The following NALF1 variants were observed in gnomAD, a reference collection of about 807,000 sequenced individuals.
NALF1 encodes the protein NALCN channel auxiliary factor 1.
NALF1 carries 3 observed loss-of-function variants against 48.4 expected under a neutral mutation model. That is an observed-to-expected ratio of 0.06 (90% confidence interval 0.03 to 0.16). NALF1 has a LOEUF of 0.16. Among genes scored for constraint, NALF1 ranks in the 10% least tolerant of loss-of-function variants. The pLI is 1.00. For synonymous variants in NALF1, 262 were observed against 245.7 expected, an observed-to-expected ratio of 1.07 and a Z score of -0.62; for missense variants, 526 against 571.5, an observed-to-expected ratio of 0.92 and a Z score of 0.81.
At chr13:107,276,469 C>T (rs183130946) in intron 1 of NALF1, among the ~76,000 whole-genome samples, 1 of 152,152 alleles carries the variant, frequency 6.6e-6, no homozygotes. Flanking sequence ...ATATACTCAG[C>T]TATTTGTATT....
intron 1 of NALF1, among the ~76,000 whole-genome samples, chr13:107,672,692 T>A (rs1396049566): frequency 1.3e-5 from 2 of 152,180 alleles, no homozygotes; most frequent in African/African-American, 4.8e-5. Flanking sequence ...ACTATAATCA[T>A]CACCAGTATT....
intron 1 of NALF1, among the ~76,000 whole-genome samples, chr13:107,787,323 G>GA (rs1555325913): frequency 6.6e-5 from 10 of 152,146 alleles, no homozygotes; most frequent in African/African-American, 2.4e-4. Context: ...TATGTTTACA[G>GA]CTGAAAATAT....
chr13:107,512,980 T>C (rs1875944782), intron 1 of NALF1, among the ~76,000 whole-genome samples: 1 of 152,206 alleles, frequency 6.6e-6, no homozygotes, highest in Admixed American at 6.5e-5. Context: ...TTGTGTTGAT[T>C]TTAAAAATTC....
At chr13:107,685,751 T>C (rs1325927947) in intron 1 of NALF1, among the ~76,000 whole-genome samples, 3 of 152,156 alleles carry the variant, frequency 2.0e-5, no homozygotes, top group Non-Finnish European at 4.4e-5. Flanking sequence ...AGCAGCAACA[T>C]GGAAGGAAAA....
At chr13:107,575,061 A>T (rs1878098145) in intron 1 of NALF1, among the ~76,000 whole-genome samples, 4 of 152,152 alleles carry the variant, frequency 2.6e-5, no homozygotes, top group Admixed American at 2.0e-4. Context: ...TTTTCACCGT[A>T]CGAGGAGCAA....
At chr13:107,864,849 T>C (rs1158827228) in intron 1 of NALF1, among the ~76,000 whole-genome samples, 1 of 152,226 alleles carries the variant, frequency 6.6e-6, no homozygotes, top group Non-Finnish European at 1.5e-5. Flanking sequence ...TTATATTCTT[T>C]ATTACACTGA....
intron 1 of NALF1, among the ~76,000 whole-genome samples, chr13:107,714,578 G>A (rs755895444): frequency 9.2e-5 from 13 of 141,022 alleles, no homozygotes; most frequent in Non-Finnish European, 1.8e-4. Flanking sequence ...GCAGTGAGCC[G>A]AGATTGCACC....
chr13:107,403,081 T>G (rs1305924667), intron 1 of NALF1, among the ~76,000 whole-genome samples: 1 of 151,838 alleles, frequency 6.6e-6, no homozygotes, highest in Non-Finnish European at 1.5e-5. Flanking sequence ...GCCTGGTGAT[T>G]TAGCCTCTGA....
At chr13:107,513,796 G>T (rs568646061) in intron 1 of NALF1, among the ~76,000 whole-genome samples, 2 of 152,330 alleles carry the variant, frequency 1.3e-5, no homozygotes, top group African/African-American at 4.8e-5. Flanking sequence ...AAAATAGAAA[G>T]AATTTTGAGC....
chr13:107,258,597 A>T (rs912485747), intron 1 of NALF1, among the ~76,000 whole-genome samples: 3 of 152,220 alleles, frequency 2.0e-5, no homozygotes, highest in Non-Finnish European at 4.4e-5. Flanking sequence ...CCCACAGCTA[A>T]CTAGATAAGC....
At chr13:107,234,293 T>C (rs1880291225) in intron 1 of NALF1, among the ~76,000 whole-genome samples, 1 of 152,182 alleles carries the variant, frequency 6.6e-6, no homozygotes, top group Non-Finnish European at 1.5e-5. Context: ...GGGGCTTAGG[T>C]GAGCCCCTCT....
chr13:107,503,060 C>T (rs1269094253), intron 1 of NALF1, among the ~76,000 whole-genome samples: 1 of 152,076 alleles, frequency 6.6e-6, no homozygotes, highest in Non-Finnish European at 1.5e-5. Flanking sequence ...TACCACCAAG[C>T]TCAAAAAATA....
chr13:107,365,874 A>G (rs1338032968), intron 1 of NALF1, among the ~76,000 whole-genome samples: 1 of 152,204 alleles, frequency 6.6e-6, no homozygotes, highest in East Asian at 1.9e-4. Flanking sequence ...ACTAGTTCCC[A>G]CAGACTGCTT....
At chr13:107,685,356 A>T (rs1387600628) in intron 1 of NALF1, among the ~76,000 whole-genome samples, 1 of 152,170 alleles carries the variant, frequency 6.6e-6, no homozygotes, top group Non-Finnish European at 1.5e-5. Context: ...AGGCTTTTTA[A>T]GGATACAAAC....
chr13:107,287,972 T>G (rs1423964211), intron 1 of NALF1, among the ~76,000 whole-genome samples: 1 of 151,960 alleles, frequency 6.6e-6, no homozygotes. Context: ...CCTCCCAAAG[T>G]GCTGGGATTA....
chr13:107,716,896 G>A lies in NALF1; in HGVS notation c.915+148786C>T, dbSNP rs542802954. ...TTGTTATTTTGATGGCGGGGTTTCC[G>A]TAAAGAGAAGACAGCCCAGGATACT... is the stretch of plus-strand genomic sequence containing the variant. On this transcript the variant is annotated intron_variant, in intron 1 of 2. Coordinates refer to ENST00000375915, the MANE Select transcript of NALF1 (RefSeq NM_001080396.3). Among the ~76,000 whole-genome samples the A allele has an allele frequency of 9.2e-5, 14 of 152,238 alleles. No individual in the cohort carries two copies. The East Asian group carries it at 9.7e-4, about 11-fold the overall frequency.
chr13:107,308,180 T>A (rs2138900518), intron 1 of NALF1, among the ~76,000 whole-genome samples: 1 of 151,434 alleles, frequency 6.6e-6, no homozygotes, highest in South Asian at 2.1e-4. Context: ...GTATTACTTT[T>A]TTGTATTTTG....
intron 1 of NALF1, among the ~76,000 whole-genome samples, chr13:107,742,895 G>A (rs1047081075): frequency 2.0e-5 from 3 of 152,216 alleles, no homozygotes; most frequent in Non-Finnish European, 4.4e-5. Context: ...AATTGTGGAT[G>A]CTACGGAGAA....
In NALF1 at chr13:107,265,783, T is replaced by C. The variant is rs544536305; in HGVS notation, c.916-55028A>G. Among the ~76,000 whole-genome samples, 52 of 152,292 alleles carry C rather than the reference T, an allele frequency of 3.4e-4. 1 individual carries two copies. In the South Asian group the frequency reaches 0.011, roughly 32 times the overall value. ...ACTTTGGTCTATGAATATGAGGTAA[T>C]TTTACCCATGTAATTAATATATTGA... On this transcript the variant is annotated intron_variant, in intron 1 of 2. Transcript: ENST00000375915.
Sources: gnomAD v4.1 joint callset for allele counts (sites outside exome capture counted in the v4.1 genomes callset) on GRCh38, gnomAD v4.1.1 for gene constraint, MANE v1.5 for transcripts, NCBI Gene and HGNC (gene_info 2026-07-23, HGNC 2026-07-21) for gene names.